GNG2: variants seen among roughly 807,000 people sequenced by gnomAD.
GNG2 encodes G protein subunit gamma 2, also known as guanine nucleotide-binding protein G(I)/G(S)/G(O) subunit gamma-2.
GNG2 carries 5 observed loss-of-function variants against 5.5 expected under a neutral mutation model. The observed-to-expected ratio is 0.91, with a 90% CI of 0.48 to 1.92. The LOEUF (loss-of-function observed/expected upper bound fraction) is 1.92, where lower values mean the gene tolerates loss of function less well. Among genes scored for constraint, GNG2 ranks in the 30% most tolerant of loss-of-function variants. The pLI is 0.01. For synonymous variants in GNG2, 28 were observed against 32.0 expected (o/e 0.88, Z 0.42); for missense variants, 55 against 88.4 (o/e 0.62, Z 1.52).
At chr14:51,881,171 A>G (rs756986560) in intron 2 of GNG2, among the ~76,000 whole-genome samples, 2 of 152,190 alleles carry the variant, frequency 1.3e-5, no homozygotes, top group African/African-American at 2.4e-5. Context: ...GTCAGCCTGC[A>G]TGGAAGTTAT....
chr14:51,928,974 A>G (rs1566693119), intron 2 of GNG2, among the ~76,000 whole-genome samples: 1 of 152,230 alleles, frequency 6.6e-6, no homozygotes, highest in Non-Finnish European at 1.5e-5. Flanking sequence ...TCACCGAACT[A>G]TAACTTTAAG....
intron 2 of GNG2, chr14:51,913,093 G>A (rs1403889530): frequency 6.6e-6 from 1 of 152,226 alleles, no homozygotes; most frequent in Non-Finnish European, 1.5e-5. Context: ...GAGGGATGGG[G>A]AAGCAAAAGT....
chr14:51,876,305 G>C (rs1206977351), intron 1 of GNG2, among the ~76,000 whole-genome samples: 2 of 151,998 alleles, frequency 1.3e-5, no homozygotes, highest in African/African-American at 4.8e-5. Context: ...TACTTAATAG[G>C]TTGAATTATT....
chr14:51,928,026 CTTTTTTTTTT>C (rs35561589), intron 2 of GNG2, among the ~76,000 whole-genome samples: 1 of 103,054 alleles, frequency 9.7e-6, no homozygotes, highest in Non-Finnish European at 1.9e-5. Context: ...CTCTCTCTCT[CTTTTTTTTTT>C]TTTTTTTTTT....
chr14:51,834,384 C>A (rs957078042), intron 2 of GNG2, among the ~76,000 whole-genome samples: 1 of 152,224 alleles, frequency 6.6e-6, no homozygotes, highest in African/African-American at 2.4e-5. Context: ...GCCACGGACT[C>A]CCCTGCCGAG....
At chr14:51,892,730 C>G (rs1025538495) in intron 2 of GNG2, among the ~76,000 whole-genome samples, 1 of 152,170 alleles carries the variant, frequency 6.6e-6, no homozygotes, top group African/African-American at 2.4e-5. Context: ...CCCATGTAAC[C>G]AATGTTAATG....
chr14:51,840,328 G>A (rs912810971), intron 2 of GNG2, among the ~76,000 whole-genome samples: 1 of 152,074 alleles, frequency 6.6e-6, no homozygotes, highest in Non-Finnish European at 1.5e-5. Context: ...TGTCAATCAT[G>A]TCCCCTGTGA....
chr14:51,856,341 T>C (rs1446483542), upstream of GNG2, among the ~76,000 whole-genome samples: 2 of 152,142 alleles, frequency 1.3e-5, no homozygotes, highest in Non-Finnish European at 2.9e-5. Flanking sequence ...CAGAAGGGGA[T>C]GTGAGAAGTG....
chr14:51,955,157 T>C (rs903635140), intron 3 of GNG2, among the ~76,000 whole-genome samples: 4 of 151,558 alleles, frequency 2.6e-5, no homozygotes, highest in African/African-American at 9.7e-5. Flanking sequence ...CTCCATAAAT[T>C]GACCCCACAG....
At chr14:51,859,350 G>A (rs183482537), upstream of GNG2, among the ~76,000 whole-genome samples, 5 of 152,238 alleles carry the variant, frequency 3.3e-5, no homozygotes, top group Admixed American at 1.3e-4. Flanking sequence ...TGACTCACAC[G>A]TTGAATAAAT....
chr14:51,879,851 G>A (rs1402975690), intron 2 of GNG2, among the ~76,000 whole-genome samples: 1 of 152,160 alleles, frequency 6.6e-6, no homozygotes, highest in Non-Finnish European at 1.5e-5. Context: ...TTATCTGTAA[G>A]GTTATGTATT....
intron 2 of GNG2, among the ~76,000 whole-genome samples, chr14:51,829,663 A>C (rs1479759158): frequency 3.3e-5 from 5 of 151,972 alleles, no homozygotes; most frequent in Non-Finnish European, 5.9e-5. Flanking sequence ...ATCAATCTAC[A>C]CTGTCCCCAA....
chr14:51,966,488 G>C (rs1889928124), intron 3 of GNG2, 71 bp from the exon 4 acceptor site: 11 of 1,329,920 alleles, frequency 8.3e-6, no homozygotes, highest in Non-Finnish European at 1.1e-5. Context: ...CAGGACATTG[G>C]GCTCTAAAGC....
At chr14:51,862,519 A>C (rs561133889) in intron 1 of GNG2, among the ~76,000 whole-genome samples, 27 of 152,376 alleles carry the variant, frequency 1.8e-4, no homozygotes, top group African/African-American at 6.3e-4. Context: ...CCTGAGCTGC[A>C]TGGATAAGGA....
intron 1 of GNG2, among the ~76,000 whole-genome samples, chr14:51,862,222 G>T (rs1308715118): frequency 6.6e-6 from 1 of 152,126 alleles, no homozygotes; most frequent in Non-Finnish European, 1.5e-5. Context: ...ATTTCTCAGA[G>T]GTTTTTTGCT....
chr14:51,859,988 C>A (rs1168694753), upstream of GNG2, among the ~76,000 whole-genome samples: 1 of 152,120 alleles, frequency 6.6e-6, no homozygotes, highest in Non-Finnish European at 1.5e-5. Flanking sequence ...CTTATCAGGG[C>A]CATTCTTTTC....
At chr14:51,951,580 A>G (rs1358178070) in intron 3 of GNG2, among the ~76,000 whole-genome samples, 1 of 152,252 alleles carries the variant, frequency 6.6e-6, no homozygotes, top group East Asian at 1.9e-4. Context: ...ATCTCATTGT[A>G]CTAAGCTAAA....
chr14:51,872,445 A>G (rs1883369591), intron 1 of GNG2, among the ~76,000 whole-genome samples: 1 of 152,182 alleles, frequency 6.6e-6, no homozygotes, highest in African/African-American at 2.4e-5. Context: ...GAAGAAATCA[A>G]CATATCAAAA....
intron 3 of GNG2, among the ~76,000 whole-genome samples, chr14:51,959,732 A>AGCTT (rs1555358563): frequency 7.8e-6 from 1 of 127,532 alleles, no homozygotes; most frequent in Non-Finnish European, 1.7e-5. Context: ...TTCTACCAAA[A>AGCTT]GATTATTTTC....
Sources: allele counts gnomAD v4.1 joint callset (sites outside exome capture counted in the v4.1 genomes callset), GRCh38; gene constraint gnomAD v4.1.1; transcripts MANE v1.5; gene names NCBI Gene and HGNC (gene_info 2026-07-23, HGNC 2026-07-21).